KIAA0753: variants seen among roughly 807,000 people sequenced by gnomAD.
The protein encoded by KIAA0753 is KIAA0753, also known as protein moonraker.
KIAA0753 carries 114 observed loss-of-function variants against 116.9 expected under a neutral mutation model. That is an observed-to-expected ratio of 0.98 (90% CI 0.84 to 1.14). The LOEUF is 1.14. Among genes scored for constraint, KIAA0753 ranks in the 50% most tolerant of loss-of-function variants. The pLI, the probability that KIAA0753 is intolerant of heterozygous loss-of-function variation, is 0.00. For missense variants in KIAA0753, 1,156 were observed against 1,172.4 expected (o/e 0.99, Z 0.20); for synonymous variants, 405 against 413.1 (o/e 0.98, Z 0.24).
chr17:6,618,804 TGTA>T (rs1971104488), intron 7 of KIAA0753, among the ~76,000 whole-genome samples: 1 of 152,252 alleles, frequency 6.6e-6, no homozygotes, highest in East Asian at 1.9e-4. Context: ...TATTGATTAA[TGTA>T]GTAAATTACA....
intron 7 of KIAA0753, among the ~76,000 whole-genome samples, chr17:6,617,204 CAG>C (rs764094683): frequency 2.6e-5 from 4 of 152,196 alleles, no homozygotes; most frequent in Non-Finnish European, 4.4e-5. Flanking sequence ...CACTTCTTCA[CAG>C]AGTCTTTCAA....
rs1969478476 is a variant in KIAA0753, at chr17:6,596,286, C to A, written c.2230G>T (p.Asp744Tyr). 3.7e-6 allele frequency: 6 copies of A among 1,609,194 alleles called. No homozygotes were observed. Among genetic ancestry groups the A allele is most frequent in the East Asian group, 4.5e-5 (2 of 44,618 alleles). The change falls in exon 15 of 19, where the codon GAT (aspartate) becomes TAT (tyrosine). Residue 744 changes from aspartate to tyrosine, a missense_variant. Coordinates refer to ENST00000361413, the MANE Select transcript of KIAA0753 (RefSeq NM_014804.3). The stretch of plus-strand genomic sequence containing the variant: ...ACAGCCCAGAGCTCACTGGCACAAT[C>A]TTCCAAAAAATCATCAAGCTGACGA... Reference protein sequence around the residue: ...NIRQLDDFLEDCASELWAVTH... With the variant: ...NIRQLDDFLEYCASELWAVTH...
At chr17:6,587,140 G>A (rs1968637286) in intron 18 of KIAA0753, among the ~76,000 whole-genome samples, 1 of 152,126 alleles carries the variant, frequency 6.6e-6, no homozygotes, top group African/African-American at 2.4e-5. Flanking sequence ...GCTGAGGCAG[G>A]AGAATCACTT....
chr17:6,611,886 C>A lies in KIAA0753; in HGVS notation c.1545+33G>T, dbSNP rs769754658. 6.3e-6 allele frequency: 10 copies of A among 1,585,224 alleles called. No individual in the cohort carries two copies. The Admixed American group carries it at 1.3e-4, about 21-fold the overall frequency. On this transcript the variant is annotated intron_variant, in intron 8 of 18. Transcript: ENST00000361413. ...TGACCTTGACAATGTCAGATTAACA[C>A]AAATGGGCCAAAAGAGAGGAATGAT...
At chr17:6,589,391 G>A (rs1386914335) in intron 18 of KIAA0753, among the ~76,000 whole-genome samples, 4 of 152,188 alleles carry the variant, frequency 2.6e-5, no homozygotes, top group Non-Finnish European at 5.9e-5. Flanking sequence ...CCAGAACTGT[G>A]AGAAATACAT....
intron 17 of KIAA0753, among the ~76,000 whole-genome samples, chr17:6,590,280 A>G (rs1302907396): frequency 6.6e-6 from 1 of 152,226 alleles, no homozygotes; most frequent in Non-Finnish European, 1.5e-5. Flanking sequence ...GATGCTTTCC[A>G]CATTAAAAAA....
At chr17:6,621,918 T>C (rs1029005973) in intron 6 of KIAA0753, among the ~76,000 whole-genome samples, 1 of 152,210 alleles carries the variant, frequency 6.6e-6, no homozygotes, top group Non-Finnish European at 1.5e-5. Context: ...GTGAGTTCTA[T>C]ATACACGAAT....
chr17:6,629,678 A>ACC lies in KIAA0753; in HGVS notation c.94-939_94-938dup, dbSNP rs1373986711. On this transcript the variant is annotated intron_variant, in intron 2 of 18. Transcript: ENST00000361413. ...GAATCCATGCCTACAAATTCAATGA[A>ACC]CCCAGTCCTGTGATGCCGTGACCTT... 3.3e-5 allele frequency among the ~76,000 whole-genome samples: 5 copies of ACC among 152,160 alleles called. No homozygotes were observed. The South Asian group carries it at 1.0e-3, about 32-fold the overall frequency.
chr17:6,590,833 C>A (rs935680401), intron 16 of KIAA0753, among the ~76,000 whole-genome samples: 2 of 152,150 alleles, frequency 1.3e-5, no homozygotes, highest in African/African-American at 4.8e-5. Flanking sequence ...ATGAGGAATA[C>A]GTTTTAAGAA....
chr17:6,582,207 C>T (rs139882430), intron 18 of KIAA0753, among the ~76,000 whole-genome samples: 3 of 152,314 alleles, frequency 2.0e-5, no homozygotes, highest in African/African-American at 7.2e-5. Flanking sequence ...TAACCCATGT[C>T]ACTGTATAAA....
At chr17:6,602,948 GT>G (rs532242658) in intron 12 of KIAA0753, among the ~76,000 whole-genome samples, 30 of 152,292 alleles carry the variant, frequency 2.0e-4, no homozygotes, top group African/African-American at 7.0e-4. Flanking sequence ...CAGAGGAAAT[GT>G]GTTAATATAT....
chr17:6,609,971 C>T (rs373116233), intron 9 of KIAA0753, 23 bp downstream of exon 9: 19 of 1,611,946 alleles, frequency 1.2e-5, no homozygotes, highest in Admixed American at 1.2e-4. Flanking sequence ...CATACACAAA[C>T]GGTCCCTTGA....
In KIAA0753 at chr17:6,579,762, T is replaced by G; in HGVS notation, c.2889A>C (p.Leu963Phe). The G allele has an allele frequency of 6.2e-7, 1 of 1,612,862 alleles. No individual in the cohort carries two copies. The highest frequency in any genetic ancestry group is 8.5e-7 in the Non-Finnish European group (1 of 1,179,140). ...CAGAGAGCCTTTATGTAGCAGCCTC[T>G]AAGAATTCTGAGGTGAACACAGCTT... ...YAEAVFTSEF[L>F]EAAT The change falls in exon 19 of 19, where the codon TTA (leucine) becomes TTC (phenylalanine). Residue 963 changes from leucine to phenylalanine, a missense_variant. Leu to Phe is a conservative substitution (Grantham distance 22, BLOSUM62 0). Transcript: ENST00000361413.
rs150271345 is a variant in KIAA0753 at position 6,608,093 on chromosome 17, C to T, written c.1829+255G>A. Among the ~76,000 whole-genome samples the T allele has an allele frequency of 5.3e-5, 8 of 152,260 alleles. No individual in the cohort carries two copies. The East Asian group carries it at 1.5e-3, about 29-fold the overall frequency. The stretch of plus-strand genomic sequence containing the variant: ...GCTCATAACACTGTCACATACAAAA[C>T]TAGCAAGTGATATATAATTGACACA... On this transcript the variant is annotated intron_variant, in intron 10 of 18. Coordinates refer to ENST00000361413, the MANE Select transcript of KIAA0753 (RefSeq NM_014804.3).
rs1166027695 is a variant in KIAA0753 at position 6,590,630 on chromosome 17, T to G, written c.2441A>C (p.Asp814Ala). 1 of 1,613,626 alleles carries G rather than the reference T, an allele frequency of 6.2e-7. No individual in the cohort carries two copies. The highest frequency in any genetic ancestry group is 8.5e-7 in the Non-Finnish European group (1 of 1,179,694). The part of the protein sequence containing the change: ...PRLWMQEENN[D>A]QKISAISEKP... ...TTCACTTATTGCTGAGATTTTTTGG[T>G]CTAGAAAAGGAGGGTCATAAAATGA... The change falls in exon 17 of 19, where the codon GAC becomes GCC. Residue 814 changes from aspartate (D) to alanine (A), a missense_variant and splice_region_variant. Asp to Ala is a moderately radical substitution (Grantham distance 126). Transcript: ENST00000361413.
At chr17:6,593,004 A>C (rs1969185420) in intron 16 of KIAA0753, among the ~76,000 whole-genome samples, 1 of 152,174 alleles carries the variant, frequency 6.6e-6, no homozygotes, top group African/African-American at 2.4e-5. Flanking sequence ...AACTATGTGA[A>C]TATACTAAAA....
At chr17:6,593,977 G>A (rs1969277213) in intron 16 of KIAA0753, among the ~76,000 whole-genome samples, 1 of 152,160 alleles carries the variant, frequency 6.6e-6, no homozygotes, top group African/African-American at 2.4e-5. Flanking sequence ...GACACCAAAT[G>A]TTGGCAAGGA....
At chr17:6,606,844 A>T in intron 12 of KIAA0753, 29 bp downstream of exon 12, 1 of 1,578,980 alleles carries the variant, frequency 6.3e-7, no homozygotes, top group South Asian at 1.1e-5. Flanking sequence ...GCAAACATCC[A>T]CTATTCTTCC....
At chr17:6,636,534 G>A (rs2150931441) in intron 1 of KIAA0753, 1 of 152,450 alleles carries the variant, frequency 6.6e-6, no homozygotes, top group East Asian at 1.9e-4. Flanking sequence ...ACAAAGTCCA[G>A]GGACACCCAC....
Sources: allele counts gnomAD v4.1 joint callset (sites outside exome capture counted in the v4.1 genomes callset), GRCh38; gene constraint gnomAD v4.1.1; transcripts MANE v1.5; gene names NCBI Gene and HGNC (gene_info 2026-07-23, HGNC 2026-07-21).